The following DPP10 variants were observed in gnomAD, a reference collection of about 807,000 sequenced individuals.
The protein encoded by DPP10 is dipeptidyl peptidase like 10, also known as inactive dipeptidyl peptidase 10.
A neutral mutation model predicts 120.9 loss-of-function variants in DPP10; 33 were observed. The ratio of observed to expected loss-of-function variants is 0.27; its 90% CI spans 0.21 to 0.37. The LOEUF (loss-of-function observed/expected upper bound fraction) is 0.37, where lower values mean the gene tolerates loss of function less well. Among genes scored for constraint, DPP10 ranks in the 10% least tolerant of loss-of-function variants. The probability of loss-of-function intolerance (pLI) is 1.00; values close to 1 mark genes in which losing one functional copy is unlikely to be tolerated. For synonymous variants in DPP10, 337 were observed against 326.1 expected, an observed-to-expected ratio of 1.03 and a Z score of -0.36; for missense variants, 816 against 942.8, an observed-to-expected ratio of 0.87 and a Z score of 1.76.
intron 1 of DPP10, among the ~76,000 whole-genome samples, chr2:115,282,214 G>A (rs1288810832): frequency 1.3e-5 from 2 of 151,882 alleles, no homozygotes; most frequent in African/African-American, 2.4e-5. Context: ...AACAATATTA[G>A]ATAATATTAC....
chr2:115,697,775 G>A (rs2091672982), intron 7 of DPP10, among the ~76,000 whole-genome samples: 1 of 151,936 alleles, frequency 6.6e-6, no homozygotes, highest in Non-Finnish European at 1.5e-5. Flanking sequence ...CACGAGGTCG[G>A]GAGATCGAGA....
At chr2:115,013,612 G>C (rs1026252151) in intron 1 of DPP10, among the ~76,000 whole-genome samples, 1 of 145,178 alleles carries the variant, frequency 6.9e-6, no homozygotes, top group African/African-American at 2.6e-5. Flanking sequence ...ACACACATAG[G>C]CTCAAAATAA....
At position 114,831,625 on chromosome 2, in the gene DPP10, C is replaced by T. The variant is rs190932845; in HGVS notation, c.60+388787C>T. Among the ~76,000 whole-genome samples the T allele has an allele frequency of 6.6e-3, 1,009 of 152,174 alleles. 6 individuals are homozygous for T. The highest frequency in any genetic ancestry group is 0.011 in the Non-Finnish European group (736 of 67,994). On this transcript the variant is annotated intron_variant, in intron 1 of 25. Coordinates refer to ENST00000410059, the MANE Select transcript of DPP10 (RefSeq NM_020868.6). ...TTGCAGAAAGCACGAGCAATAAAGA[C>T]ATAACATATAAACAGATATTCTGCA... is the stretch of plus-strand genomic sequence containing the variant.
chr2:114,699,291 G>A (rs1700248883), intron 1 of DPP10, among the ~76,000 whole-genome samples: 1 of 145,676 alleles, frequency 6.9e-6, no homozygotes, highest in African/African-American at 2.8e-5. Context: ...ATATACATAT[G>A]CGTGTGTGTG....
At chr2:115,433,083 C>T (rs1051270926) in intron 3 of DPP10, among the ~76,000 whole-genome samples, 1 of 152,138 alleles carries the variant, frequency 6.6e-6, no homozygotes, top group South Asian at 2.1e-4. Flanking sequence ...TATTTGCTCT[C>T]GTGCTTGAGA....
intron 21 of DPP10, among the ~76,000 whole-genome samples, chr2:115,818,628 T>C (rs1007516239): frequency 6.6e-6 from 1 of 152,082 alleles, no homozygotes; most frequent in Non-Finnish European, 1.5e-5. Flanking sequence ...GTGGAGAACA[T>C]GAAATGAAGT....
At chr2:114,559,088 G>A (rs574876858) in intron 1 of DPP10, among the ~76,000 whole-genome samples, 31 of 152,288 alleles carry the variant, frequency 2.0e-4, no homozygotes, top group East Asian at 9.6e-4. Flanking sequence ...TGAGGATACC[G>A]AAGCTTAGTG....
intron 1 of DPP10, among the ~76,000 whole-genome samples, chr2:115,256,685 A>G (rs534758064): frequency 6.6e-6 from 1 of 152,240 alleles, no homozygotes; most frequent in East Asian, 1.9e-4. Flanking sequence ...GCTATTTTTG[A>G]GTCATGCAAA....
chr2:115,742,282 C>T (rs1677374713), intron 9 of DPP10, among the ~76,000 whole-genome samples: 1 of 152,104 alleles, frequency 6.6e-6, no homozygotes, highest in Non-Finnish European at 1.5e-5. Flanking sequence ...TTTCCAAAAA[C>T]ACAGCTGGAA....
At chr2:115,201,250 G>A (rs4849385) in intron 1 of DPP10, among the ~76,000 whole-genome samples, 32,793 of 151,972 alleles carry the variant, frequency 0.22, 4,058 homozygotes, top group East Asian at 0.38. Flanking sequence ...ATCACCTGAG[G>A]TCAGGAGTTC....
intron 1 of DPP10, among the ~76,000 whole-genome samples, chr2:115,003,796 A>G (rs1365287434): frequency 1.3e-5 from 2 of 152,126 alleles, no homozygotes; most frequent in East Asian, 3.8e-4. Context: ...TGTAAAAGCA[A>G]TCTATTGACA....
intron 1 of DPP10, among the ~76,000 whole-genome samples, chr2:114,656,986 TA>T (rs1446951870): frequency 2.0e-5 from 3 of 152,090 alleles, no homozygotes; most frequent in Non-Finnish European, 2.9e-5. Flanking sequence ...ATCTTTGTGG[TA>T]AGGCTTGGGA....
intron 1 of DPP10, among the ~76,000 whole-genome samples, chr2:115,073,617 G>A (rs1482729011): frequency 1.3e-5 from 2 of 152,250 alleles, no homozygotes; most frequent in Non-Finnish European, 2.9e-5. Flanking sequence ...AGCCTGTCTA[G>A]AAGAGCAGGG....
intron 4 of DPP10, among the ~76,000 whole-genome samples, chr2:115,512,066 C>G (rs1415496936): frequency 6.6e-6 from 1 of 151,368 alleles, no homozygotes. Flanking sequence ...CCCCTCTTTC[C>G]TTCCTTCCTG....
chr2:115,106,824 C>T (rs546929552), intron 1 of DPP10, among the ~76,000 whole-genome samples: 1 of 152,196 alleles, frequency 6.6e-6, no homozygotes, highest in Admixed American at 6.5e-5. Context: ...GCCTGTGATC[C>T]CAGCACTTTG....
intron 1 of DPP10, among the ~76,000 whole-genome samples, chr2:114,818,391 T>C (rs972457656): frequency 5.9e-5 from 9 of 152,152 alleles, no homozygotes; most frequent in African/African-American, 2.2e-4. Flanking sequence ...AATTCCAGTC[T>C]CCCAAATTAC....
intron 21 of DPP10, among the ~76,000 whole-genome samples, chr2:115,823,903 A>T (rs2150070155): frequency 6.6e-6 from 1 of 152,356 alleles, no homozygotes. Flanking sequence ...CAAGGAAAGA[A>T]AAGATGATTG....
chr2:115,830,229 G>A (rs1688780147), intron 21 of DPP10, among the ~76,000 whole-genome samples: 1 of 151,766 alleles, frequency 6.6e-6, no homozygotes, highest in Non-Finnish European at 1.5e-5. Flanking sequence ...GTGGTGGCGA[G>A]TGTCTGTAAT....
At chr2:114,687,710 A>ATATCTT (rs1699464255) in intron 1 of DPP10, among the ~76,000 whole-genome samples, 1 of 152,068 alleles carries the variant, frequency 6.6e-6, no homozygotes, top group East Asian at 2.0e-4. Flanking sequence ...CTTTCTGATA[A>ATATCTT]GTCACATCCC....
Sources: allele counts gnomAD v4.1 joint callset (sites outside exome capture counted in the v4.1 genomes callset), GRCh38; gene constraint gnomAD v4.1.1; transcripts MANE v1.5; gene names NCBI Gene and HGNC (gene_info 2026-07-23, HGNC 2026-07-21).